Variants in AFF1 observed in about 807,000 individuals in gnomAD.
AFF1 encodes AF4/FMR2 family member 1.
AFF1 carries 48 observed loss-of-function variants against 121.7 expected under a neutral mutation model. The ratio of observed to expected loss-of-function variants is 0.39; its 90% CI spans 0.31 to 0.50. AFF1 has a LOEUF of 0.50. AFF1 is among the 20% of genes least tolerant of loss of function. The probability of loss-of-function intolerance (pLI) is 0.76; values close to 1 mark genes in which losing one functional copy is unlikely to be tolerated. For missense variants in AFF1, 1,523 were observed against 1,511.7 expected, an observed-to-expected ratio of 1.01 and a Z score of -0.12; for synonymous variants, 613 against 563.0, an observed-to-expected ratio of 1.09 and a Z score of -1.26.
At chr4:87,091,103 T>A (rs1027606716) in intron 6 of AFF1, among the ~76,000 whole-genome samples, 1 of 151,842 alleles carries the variant, frequency 6.6e-6, no homozygotes, top group Admixed American at 6.6e-5. Flanking sequence ...TTTCTAATAA[T>A]TTTTAAAATG....
rs948255396 is a variant in AFF1 at position 87,131,935 on chromosome 4, G to T, written c.3173+71G>T. ...TCTGTTGATGTTACAAAAAGATTCT[G>T]AAATTTGTTTTCTTAATGTGAAAAT... On this transcript the variant is annotated intron_variant, in intron 18 of 20. Coordinates refer to ENST00000395146, the MANE Select transcript of AFF1 (RefSeq NM_001166693.3). 3 of 1,289,166 alleles carry T rather than the reference G, an allele frequency of 2.3e-6. No homozygotes were observed. The African/African-American group carries it at 4.6e-5, about 20-fold the overall frequency. The allele number at this position is 1,289,166 out of a possible 1,614,324, so 79.9% of individuals were successfully genotyped here.
At chr4:87,037,715 A>G (rs1241873278) in intron 2 of AFF1, among the ~76,000 whole-genome samples, 1 of 152,164 alleles carries the variant, frequency 6.6e-6, no homozygotes, top group Non-Finnish European at 1.5e-5. Context: ...GTAAATTAAC[A>G]TGTCTCTCCT....
rs1005877787 is a variant in AFF1 at position 86,949,716 on chromosome 4, A to G, written c.38+1145A>G. 6.8e-4 allele frequency: 1,079 copies of G among 1,587,436 alleles called. 1 individual carries two copies. The highest frequency in any genetic ancestry group is 8.6e-4 in the Non-Finnish European group (1,008 of 1,166,018). On this transcript the variant is annotated intron_variant, in intron 2 of 20. Transcript: ENST00000395146. Reference sequence around the variant, plus strand: ...ATGCGCAGGGGCGGGTAGTCCCGGAACTCCTTCAGGTAGCTGCGGTGCTTG... The same window carrying G: ...ATGCGCAGGGGCGGGTAGTCCCGGAGCTCCTTCAGGTAGCTGCGGTGCTTG...
intron 2 of AFF1, among the ~76,000 whole-genome samples, chr4:87,028,481 C>T (rs983894252): frequency 1.4e-5 from 2 of 146,912 alleles, no homozygotes; most frequent in Admixed American, 6.8e-5. Flanking sequence ...TAAACAAACA[C>T]GTAACCTGTT....
rs1729360632 is a variant in AFF1, at chr4:87,137,097, C to G, written c.*1396C>G. Reference sequence around the variant, plus strand: ...CACAGATTTTTCTTTTTCATTGAAACTTTAAAGGTTATTATTGGAAACATT... The same window carrying G: ...CACAGATTTTTCTTTTTCATTGAAAGTTTAAAGGTTATTATTGGAAACATT... On this transcript the variant is annotated 3_prime_UTR_variant, in exon 21 of 21. Transcript: ENST00000395146. 1 of 225,224 alleles carries G rather than the reference C, an allele frequency of 4.4e-6. No individual in the cohort carries two copies. The highest frequency in any genetic ancestry group is 8.9e-6 in the Non-Finnish European group (1 of 112,948). The allele number at this position is 225,224 out of a possible 1,614,324, so 14.0% of individuals were successfully genotyped here.
At position 86,951,618 on chromosome 4, in the gene AFF1, T is replaced by TTTTC. The variant is rs1414714842; in HGVS notation, c.38+3050_38+3051insCTTT. On this transcript the variant is annotated intron_variant, in intron 2 of 20. Transcript: ENST00000395146. ...CTTTTTTTTCTTTTTCTTTTTTCTT[T>TTTTC]TTTTCTTTTTTTTTTTTTTTTTTGA... Among the ~76,000 whole-genome samples, 45 of 33,854 alleles carry TTTTC rather than the reference T, an allele frequency of 1.3e-3. 1 individual carries two copies. The highest frequency in any genetic ancestry group is 2.4e-3 in the African/African-American group (45 of 19,068). 22.2% of individuals were successfully genotyped at this position (33,854 alleles called of 152,430 possible). A position where few individuals can be genotyped will look rare whatever the true frequency, so the allele number is the denominator to read the frequency against.
In AFF1 at chr4:86,987,197, G is replaced by A. The variant is rs1308497595; in HGVS notation, c.38+38626G>A. On this transcript the variant is annotated intron_variant, in intron 2 of 20. Transcript: ENST00000395146. ...ACTAAATGTCTTTGCTGCTTTCTCT[G>A]TGCTCTGCTCTAGCTGTTATATAAT... Among the ~76,000 whole-genome samples the A allele has an allele frequency of 3.3e-5, 5 of 152,120 alleles. No individual in the cohort carries two copies. The East Asian group carries it at 9.6e-4, about 29-fold the overall frequency.
At chr4:86,940,506 G>C (rs912109938) in intron 1 of AFF1, among the ~76,000 whole-genome samples, 2 of 152,092 alleles carry the variant, frequency 1.3e-5, no homozygotes, top group Admixed American at 6.6e-5. Context: ...GGTTCAAGCA[G>C]TTCTGCCTCA....
At chr4:87,075,571 T>C (rs777645829) in intron 4 of AFF1, among the ~76,000 whole-genome samples, 13 of 152,186 alleles carry the variant, frequency 8.5e-5, no homozygotes, top group South Asian at 4.1e-4. Flanking sequence ...CTGCCTGATA[T>C]ACCTACCCTC....
At chr4:87,091,259 T>C (rs1397535327) in intron 6 of AFF1, among the ~76,000 whole-genome samples, 1 of 150,128 alleles carries the variant, frequency 6.7e-6, no homozygotes, top group Non-Finnish European at 1.5e-5. Flanking sequence ...AAAAATTAGC[T>C]GGGTGTGGTG....
intron 2 of AFF1, among the ~76,000 whole-genome samples, chr4:86,997,321 T>A (rs1725294690): frequency 6.6e-6 from 1 of 152,238 alleles, no homozygotes; most frequent in African/African-American, 2.4e-5. Context: ...AAGAAGGCTT[T>A]CACCAGGTGT....
intron 2 of AFF1, among the ~76,000 whole-genome samples, chr4:87,000,246 T>C (rs1725582876): frequency 6.6e-6 from 1 of 152,164 alleles, no homozygotes; most frequent in African/African-American, 2.4e-5. Context: ...ATTCTCTCCC[T>C]CCTTTGAAGG....
In AFF1 at chr4:87,111,602, C is replaced by T. The variant is rs575505513; in HGVS notation, c.1534-2765C>T. On this transcript the variant is annotated intron_variant, in intron 11 of 20. Coordinates refer to ENST00000395146, the MANE Select transcript of AFF1 (RefSeq NM_001166693.3). ...CTCCTGACCTCAAGTGATCCACCCA[C>T]CTCGGCCTCCCAAAGTGCTGGGATT... 3.3e-5 allele frequency among the ~76,000 whole-genome samples: 5 copies of T among 152,280 alleles called. No individual in the cohort carries two copies. In the East Asian group the frequency reaches 9.7e-4, roughly 29 times the overall value.
intron 2 of AFF1, among the ~76,000 whole-genome samples, chr4:87,039,217 A>G (rs1729867727): frequency 6.6e-6 from 1 of 152,232 alleles, no homozygotes; most frequent in African/African-American, 2.4e-5. Flanking sequence ...AGAAAAAGGA[A>G]TCACTCTCAC....
In AFF1 at chr4:86,980,954, C is replaced by CCCA. The variant is rs1553912235; in HGVS notation, c.38+32385_38+32386insACC. Among the ~76,000 whole-genome samples, 10 of 137,048 alleles carry CCCA rather than the reference C, an allele frequency of 7.3e-5. 1 individual carries two copies. Among genetic ancestry groups the CCCA allele is most frequent in the South Asian group, 7.2e-4 (3 of 4,164 alleles). 89.9% of individuals were successfully genotyped at this position (137,048 alleles called of 152,430 possible). ...CTTTGCGAGGCTTGAGGCACCCCCC[C>CCCA]CCTCCACCAAAAAAAAGGAAAGTAA... On this transcript the variant is annotated intron_variant, in intron 2 of 20. Transcript: ENST00000395146.
Position 87,108,328 on chromosome 4 carries a change from C to T in AFF1, c.1533+13C>T, listed in dbSNP as rs754560877. 21 of 1,610,738 alleles carry T rather than the reference C, an allele frequency of 1.3e-5. No individual in the cohort carries two copies. The African/African-American group carries it at 2.4e-4, about 18-fold the overall frequency. On this transcript the variant is annotated intron_variant, in intron 11 of 20. Coordinates refer to ENST00000395146, the MANE Select transcript of AFF1 (RefSeq NM_001166693.3). Reference sequence around the variant, plus strand: ...CCCAGCTCCGGAGGTACCGTGTTCCCCCTCGAGATGGCCACCTTAGATGGC... The same window carrying T: ...CCCAGCTCCGGAGGTACCGTGTTCCTCCTCGAGATGGCCACCTTAGATGGC...
chr4:87,113,307 A>G (rs1412859962), intron 11 of AFF1, among the ~76,000 whole-genome samples: 1 of 151,714 alleles, frequency 6.6e-6, no homozygotes, highest in Non-Finnish European at 1.5e-5. Flanking sequence ...TTTTGAGACC[A>G]ATGTGTCACT....
rs1189830465 is a variant in AFF1 at position 87,046,994 on chromosome 4, C to G, written c.459C>G (p.Leu153=). 1.9e-6 allele frequency: 3 copies of G among 1,614,186 alleles called. No homozygotes were observed. The highest frequency in any genetic ancestry group is 2.5e-6 in the Non-Finnish European group (3 of 1,180,036). ...AQPRTEPMPS[L]HAKSCGPPDS... The stretch of plus-strand genomic sequence containing the variant: ...CAAGAACTGAACCAATGCCAAGTCT[C>G]CATGCCAAAAGCTGCGGCCCACCGG... The change falls in exon 4 of 21, where the codon CTC becomes CTG. Residue 153 remains leucine (L), a synonymous_variant. Transcript: ENST00000395146.
At chr4:87,076,384 C>T (rs1008402963) in intron 4 of AFF1, among the ~76,000 whole-genome samples, 4 of 152,080 alleles carry the variant, frequency 2.6e-5, no homozygotes, top group Admixed American at 1.3e-4. Context: ...GGCAGTTTGA[C>T]GTTAAAAAGA....
Sources: allele counts gnomAD v4.1 joint callset (sites outside exome capture counted in the v4.1 genomes callset), GRCh38; gene constraint gnomAD v4.1.1; transcripts MANE v1.5; gene names NCBI Gene and HGNC (gene_info 2026-07-23, HGNC 2026-07-21).